The following SHC3 variants were observed in gnomAD, a reference collection of about 807,000 sequenced individuals.
SHC3 encodes the protein SHC-transforming protein 3.
SHC3 carries 15 observed loss-of-function variants against 60.4 expected under a neutral mutation model. The observed-to-expected ratio is 0.25, with a 90% CI of 0.17 to 0.38. The LOEUF (loss-of-function observed/expected upper bound fraction) is 0.38. Among genes scored for constraint, SHC3 ranks in the 10% least tolerant of loss-of-function variants. SHC3 has a pLI of 1.00. For missense variants in SHC3, 677 were observed against 786.1 expected (o/e 0.86, Z 1.66); for synonymous variants, 294 against 325.9 (o/e 0.90, Z 1.05).
At position 89,006,189 on chromosome 9, in the gene SHC3, T is replaced by C. The variant is rs946155460; in HGVS notation, c.*7258A>G. 15 of 152,222 alleles carry C rather than the reference T, an allele frequency of 9.9e-5. No homozygotes were observed. The highest frequency in any genetic ancestry group is 2.2e-4 in the Non-Finnish European group (15 of 68,038). 9.4% of individuals were successfully genotyped at this position (152,222 alleles called of 1,614,324 possible). ...ACACCTGGGGATGCGATGCCGTGCC[T>C]GCACTTGGCGATCCCAGGAGCACAG... On this transcript the variant is annotated 3_prime_UTR_variant, in exon 12 of 12. Coordinates refer to ENST00000375835, the MANE Select transcript of SHC3 (RefSeq NM_016848.6).
rs551764228 is a variant in SHC3 at position 89,163,767 on chromosome 9, T to C, written c.474+14220A>G. Reference sequence around the variant, plus strand: ...AATTAAAAAAAGAAAAGAAAAAAAATATACCACAGACTGGGTGGCTTAAAC... The same window carrying C: ...AATTAAAAAAAGAAAAGAAAAAAAACATACCACAGACTGGGTGGCTTAAAC... On this transcript the variant is annotated intron_variant, in intron 1 of 11. Transcript: ENST00000375835. Among the ~76,000 whole-genome samples, 18 of 151,712 alleles carry C rather than the reference T, an allele frequency of 1.2e-4. 1 individual carries two copies. In the South Asian group the frequency reaches 3.8e-3, roughly 32 times the overall value.
chr9:89,007,210 G>A lies in SHC3; in HGVS notation c.*6237C>T, dbSNP rs1043008942. On this transcript the variant is annotated 3_prime_UTR_variant, in exon 12 of 12. Coordinates refer to ENST00000375835, the MANE Select transcript of SHC3 (RefSeq NM_016848.6). ...GCCCCTTCTAGCATCTCTACTGAGAGTGACAACTCCAGGCTGTCCACCCCC... is the reference window on the plus strand; with the variant it reads ...GCCCCTTCTAGCATCTCTACTGAGAATGACAACTCCAGGCTGTCCACCCCC... 2 of 152,238 alleles carry A rather than the reference G, an allele frequency of 1.3e-5. No homozygotes were observed. Among genetic ancestry groups the A allele is most frequent in the Admixed American group, 6.5e-5 (1 of 15,280 alleles). The allele number at this position is 152,238 out of a possible 1,614,324, so 9.4% of individuals were successfully genotyped here. A position where few individuals can be genotyped will look rare whatever the true frequency, so the allele number is the denominator to read the frequency against.
At chr9:89,065,267 G>A (rs1564114371) in intron 6 of SHC3, among the ~76,000 whole-genome samples, 1 of 152,190 alleles carries the variant, frequency 6.6e-6, no homozygotes, top group Non-Finnish European at 1.5e-5. Flanking sequence ...GTCAGAATAT[G>A]GGCAGGGGCT....
intron 1 of SHC3, among the ~76,000 whole-genome samples, chr9:89,128,818 G>A (rs1055699563): frequency 4.6e-5 from 7 of 152,148 alleles, no homozygotes; most frequent in African/African-American, 1.7e-4. Context: ...CAGAAAAGCT[G>A]AAAATTCTAA....
At chr9:89,059,019 G>A (rs1413188850) in intron 6 of SHC3, among the ~76,000 whole-genome samples, 3 of 149,254 alleles carry the variant, frequency 2.0e-5, no homozygotes, top group African/African-American at 7.4e-5. Context: ...GATGGAGGGC[G>A]GTGGTGGAGA....
chr9:89,156,532 C>T (rs370215028), intron 1 of SHC3, among the ~76,000 whole-genome samples: 2 of 151,890 alleles, frequency 1.3e-5, no homozygotes, highest in East Asian at 3.9e-4. Flanking sequence ...TTAACTAGTC[C>T]TAAAAAAGTA....
intron 6 of SHC3, among the ~76,000 whole-genome samples, chr9:89,053,261 C>A (rs1359232457): frequency 2.0e-5 from 3 of 152,234 alleles, no homozygotes; most frequent in Non-Finnish European, 4.4e-5. Context: ...AGGAGGGTTC[C>A]TCCAAAAGCC....
intron 4 of SHC3, among the ~76,000 whole-genome samples, chr9:89,071,942 A>G (rs1233008753): frequency 6.6e-6 from 1 of 151,980 alleles, no homozygotes; most frequent in East Asian, 1.9e-4. Context: ...AAGCCAGGAC[A>G]CTCTCTTTGT....
At chr9:89,157,589 T>A (rs569392570) in intron 1 of SHC3, among the ~76,000 whole-genome samples, 1 of 151,892 alleles carries the variant, frequency 6.6e-6, no homozygotes, top group East Asian at 1.9e-4. Context: ...GCCAAAATGT[T>A]TTTTTAATTT....
chr9:89,178,557 G>C lies in SHC3; in HGVS notation c.-97C>G. 8.0e-7 allele frequency: 1 copy of C among 1,242,392 alleles called. No individual in the cohort carries two copies. Among genetic ancestry groups the C allele is most frequent in the South Asian group, 1.8e-5 (1 of 54,706 alleles). The allele number at this position is 1,242,392 out of a possible 1,614,324, so 77.0% of individuals were successfully genotyped here. The stretch of plus-strand genomic sequence containing the variant: ...GCAGGCGAGCCACTGTCCCCGGAGC[G>C]GGACGGAGAGTGGGGGCCCCGGGAC... On this transcript the variant is annotated 5_prime_UTR_variant, in exon 1 of 12. Coordinates refer to ENST00000375835, the MANE Select transcript of SHC3 (RefSeq NM_016848.6). The surrounding 1 kb of genome is among the most constrained non-coding windows in gnomAD (Gnocchi z 6.9).
intron 4 of SHC3, among the ~76,000 whole-genome samples, chr9:89,073,009 C>A (rs1221350824): frequency 2.6e-5 from 4 of 152,162 alleles, no homozygotes; most frequent in Non-Finnish European, 5.9e-5. Flanking sequence ...AGAGGCTGCA[C>A]CCAAGCCCCA....
chr9:89,044,878 T>G (rs932185324), intron 9 of SHC3, among the ~76,000 whole-genome samples: 1 of 152,194 alleles, frequency 6.6e-6, no homozygotes, highest in Admixed American at 6.5e-5. Context: ...GATGCAGAAG[T>G]GTTCTCTGAG....
In SHC3 at chr9:89,075,102, C is replaced by T. The variant is rs1564122297; in HGVS notation, c.729+7G>A. ...GGCAGGGACAGGGGATCTGAGCACC[C>T]ATGTACCTGTTTGGAGTCCGGAGTT... On this transcript the variant is annotated splice_region_variant and intron_variant, in intron 4 of 11. Transcript: ENST00000375835. 6.2e-7 allele frequency: 1 copy of T among 1,613,640 alleles called. No individual in the cohort carries two copies. Among genetic ancestry groups the T allele is most frequent in the Non-Finnish European group, 8.5e-7 (1 of 1,179,712 alleles).
At position 89,076,899 on chromosome 9, in the gene SHC3, C is replaced by A. The variant is rs554142094; in HGVS notation, c.609+941G>T. On this transcript the variant is annotated intron_variant, in intron 3 of 11. Coordinates refer to ENST00000375835, the MANE Select transcript of SHC3 (RefSeq NM_016848.6). ...ACCTTTAAAAAAACAGACAATAGGGCCGGGCATGGTGGCTCACACCTGTAA... is the reference window on the plus strand; with the variant it reads ...ACCTTTAAAAAAACAGACAATAGGGACGGGCATGGTGGCTCACACCTGTAA... Among the ~76,000 whole-genome samples the A allele has an allele frequency of 3.9e-5, 6 of 152,220 alleles. No individual in the cohort carries two copies. The East Asian group carries it at 1.2e-3, about 29-fold the overall frequency.
chr9:89,037,968 G>A (rs376350694), intron 11 of SHC3, 25 bp downstream of exon 11: 199 of 1,597,912 alleles, frequency 1.2e-4, no homozygotes, highest in Middle Eastern at 4.2e-4. Flanking sequence ...TGGCAGGTCC[G>A]GCCCCACCCC....
In SHC3 at chr9:89,175,324, A is replaced by G. The variant is rs188801853; in HGVS notation, c.474+2663T>C. On this transcript the variant is annotated intron_variant, in intron 1 of 11. Transcript: ENST00000375835. ...ATTCTGTTATTTAGCAGCAAACTCA[A>G]TGATGGACCAATTAGACATGCTTTG... Among the ~76,000 whole-genome samples the G allele has an allele frequency of 2.7e-3, 405 of 152,354 alleles. 3 individuals are homozygous for G. The highest frequency in any genetic ancestry group is 3.7e-3 in the Non-Finnish European group (254 of 68,036).
intron 2 of SHC3, among the ~76,000 whole-genome samples, chr9:89,081,230 G>A (rs911127190): frequency 6.6e-6 from 1 of 152,120 alleles, no homozygotes; most frequent in Non-Finnish European, 1.5e-5. Context: ...AGTCAGCAAG[G>A]AAACTATCAA....
intron 7 of SHC3, among the ~76,000 whole-genome samples, chr9:89,051,145 C>A (rs1309701628): frequency 6.6e-6 from 1 of 152,128 alleles, no homozygotes; most frequent in Non-Finnish European, 1.5e-5. Context: ...AAGGTAGAGT[C>A]TGACTCTAGA....
chr9:89,042,015 C>G lies in SHC3; in HGVS notation c.1360+11G>C, dbSNP rs1247386955. The G allele has an allele frequency of 3.1e-6, 5 of 1,613,594 alleles. No individual in the cohort carries two copies. Among genetic ancestry groups the G allele is most frequent in the Non-Finnish European group, 3.4e-6 (4 of 1,179,856 alleles). ...AAAAGAAAAGAAAACCAGAGACAAA[C>G]AGAAACCCACTCATGTCAAAGAGGT... On this transcript the variant is annotated intron_variant, in intron 10 of 11. Transcript: ENST00000375835.
Sources: allele counts gnomAD v4.1 joint callset (sites outside exome capture counted in the v4.1 genomes callset), GRCh38; gene constraint gnomAD v4.1.1; non-coding constraint Gnocchi (gnomAD v3.1); transcripts MANE v1.5; gene names NCBI Gene and HGNC (gene_info 2026-07-23, HGNC 2026-07-21).